COL18A1: variants seen among roughly 807,000 people sequenced by gnomAD.
COL18A1 encodes collagen alpha-1(XVIII) chain.
Under a neutral mutation model 168.0 loss-of-function variants are expected in COL18A1, and 133 were observed. The ratio of observed to expected loss-of-function variants is 0.79; its 90% CI spans 0.69 to 0.91. The LOEUF (loss-of-function observed/expected upper bound fraction) is 0.91. COL18A1 is among the 40% of genes least tolerant of loss of function. The probability of loss-of-function intolerance (pLI) is 0.00; values close to 1 mark genes in which losing one functional copy is unlikely to be tolerated. For synonymous variants in COL18A1, 949 were observed against 809.0 expected, an observed-to-expected ratio of 1.17 and a Z score of -2.94; for missense variants, 2,126 against 1,925.4, an observed-to-expected ratio of 1.10 and a Z score of -1.95.
rs1306317164 is a variant in COL18A1, at chr21:45,504,233, T to C, written c.2727+179T>C. 15 of 901,954 alleles carry C rather than the reference T, an allele frequency of 1.7e-5. No homozygotes were observed. The Admixed American group carries it at 3.2e-4, about 19-fold the overall frequency. The allele number at this position is 901,954 out of a possible 1,614,324, so 55.9% of individuals were successfully genotyped here. A position where few individuals can be genotyped will look rare whatever the true frequency, so the allele number is the denominator to read the frequency against. On this transcript the variant is annotated intron_variant, in intron 33 of 41. Coordinates refer to ENST00000651438, the MANE Select transcript of COL18A1 (RefSeq NM_001379500.1). ...AGGATGTTCCTGTCCCCGGCTCAGT[T>C]TTTGGGGGACTCGGCTGATGCAGTG...
At position 45,498,512 on chromosome 21, in the gene COL18A1, G is replaced by A. The variant is rs2036627210; in HGVS notation, c.2683+851G>A. The A allele has an allele frequency of 1.4e-6, 1 of 716,078 alleles. No homozygotes were observed. Among genetic ancestry groups the A allele is most frequent in the Non-Finnish European group, 2.6e-6 (1 of 385,000 alleles). The allele number at this position is 716,078 out of a possible 1,614,324, so 44.4% of individuals were successfully genotyped here. On this transcript the variant is annotated intron_variant, in intron 32 of 41. Transcript: ENST00000651438. The surrounding 1 kb of genome is among the most constrained non-coding windows in gnomAD (Gnocchi z 4.5). ...TCCCCTCTCGCTGCCAGGGTCCTCT[G>A]CAGAGGAGGCCGCCATACCTGCTCT...
At position 45,457,898 on chromosome 21, in the gene COL18A1, C is replaced by T. The variant is rs2034895649; in HGVS notation, c.107-10344C>T. Among the ~76,000 whole-genome samples, 2 of 152,116 alleles carry T rather than the reference C, an allele frequency of 1.3e-5. No individual in the cohort carries two copies. Among genetic ancestry groups the T allele is most frequent in the Admixed American group, 6.5e-5 (1 of 15,284 alleles). Reference sequence around the variant, plus strand: ...CAGTGGAAATTCTGGTGGACGCCCACCCACCAGGCTCCGTGAGGGATGACG... The same window carrying T: ...CAGTGGAAATTCTGGTGGACGCCCATCCACCAGGCTCCGTGAGGGATGACG... On this transcript the variant is annotated intron_variant, in intron 2 of 41. Transcript: ENST00000651438. This position sits in a 1 kb window ranked among gnomAD's most constrained non-coding sequence, Gnocchi z 4.6.
chr21:45,429,512 C>T lies in COL18A1; in HGVS notation c.106+24039C>T, dbSNP rs967750652. Among the ~76,000 whole-genome samples, 6 of 152,194 alleles carry T rather than the reference C, an allele frequency of 3.9e-5. No homozygotes were observed. In the East Asian group the frequency reaches 9.6e-4, roughly 24 times the overall value. ...CCACTGTGCACCCAGCACCCAGGCTCGGCTGCATAGAACATGGCCCAGGAA... is the reference window on the plus strand; with the variant it reads ...CCACTGTGCACCCAGCACCCAGGCTTGGCTGCATAGAACATGGCCCAGGAA... On this transcript the variant is annotated intron_variant, in intron 2 of 41. Transcript: ENST00000651438.
chr21:45,426,447 G>A (rs539536841), intron 2 of COL18A1, among the ~76,000 whole-genome samples: 37 of 152,278 alleles, frequency 2.4e-4, no homozygotes, highest in Admixed American at 7.2e-4. Context: ...TCAGCGTGGC[G>A]AGGCTGCGCT....
chr21:45,459,057 C>T (rs1385222253), intron 2 of COL18A1, among the ~76,000 whole-genome samples: 1 of 152,194 alleles, frequency 6.6e-6, no homozygotes, highest in Non-Finnish European at 1.5e-5. Context: ...GGCCGTGTCC[C>T]GTGCAGGGTC....
chr21:45,491,274 C>T lies in COL18A1; in HGVS notation c.2117C>T (p.Pro706Leu), dbSNP rs79980197. 2.5e-6 allele frequency: 4 copies of T among 1,612,084 alleles called. No individual in the cohort carries two copies. The highest frequency in any genetic ancestry group is 2.5e-6 in the Non-Finnish European group (3 of 1,179,648). The change falls in exon 22 of 42, where the codon CCC becomes CTC. Residue 706 changes from proline to leucine, a missense_variant. Pro to Leu is a moderately conservative substitution (Grantham distance 98). Coordinates refer to ENST00000651438, the MANE Select transcript of COL18A1 (RefSeq NM_001379500.1). Reference sequence around the variant, plus strand: ...GGGCAGCCGGGCCTCCCTGGCCCCCCCGGACCCCCGGGACCTGTGGTCTAC... The same window carrying T: ...GGGCAGCCGGGCCTCCCTGGCCCCCTCGGACCCCCGGGACCTGTGGTCTAC... ...GVGQPGLPGP[P>L]GPPGPVVYVS...
rs185089648 is a variant in COL18A1, at chr21:45,490,310, C to T, written c.1995C>T (p.Pro665=). 6.5e-5 allele frequency: 104 copies of T among 1,588,698 alleles called. No individual in the cohort carries two copies. Among genetic ancestry groups the T allele is most frequent in the African/African-American group, 1.7e-4 (13 of 74,464 alleles). Residue 665 remains proline (P), a synonymous_variant, in exon 20 of 42, where the codon CCC becomes CCT. Coordinates refer to ENST00000651438, the MANE Select transcript of COL18A1 (RefSeq NM_001379500.1). The part of the protein sequence containing the change: ...EVGADGVPGF[P]GLPGREGIAG... Reference sequence around the variant, plus strand: ...GAGCAGATGGAGTCCCCGGGTTCCCCGGCCTCCCTGGCAGAGAGGGCATTG... The same window carrying T: ...GAGCAGATGGAGTCCCCGGGTTCCCTGGCCTCCCTGGCAGAGAGGGCATTG...
At chr21:45,496,317 C>T (rs570353805) in intron 29 of COL18A1, 183 bp from the exon 30 acceptor site, 29 of 715,590 alleles carry the variant, frequency 4.1e-5, no homozygotes, top group Admixed American at 1.2e-4. Flanking sequence ...GAGGTGGGGC[C>T]GGGGCCAGTT....
At chr21:45,476,707 T>G (rs963252014) in intron 6 of COL18A1, among the ~76,000 whole-genome samples, 2 of 151,470 alleles carry the variant, frequency 1.3e-5, no homozygotes, top group Admixed American at 6.6e-5. Flanking sequence ...GTTTATGTGA[T>G]GTGTATGTAG....
chr21:45,460,051 G>A (rs545325413), intron 2 of COL18A1, among the ~76,000 whole-genome samples: 10 of 152,170 alleles, frequency 6.6e-5, no homozygotes, highest in Admixed American at 6.5e-5. Context: ...TATTGTTCCC[G>A]TTTACAGGTG....
rs1188297731 is a variant in COL18A1, at chr21:45,510,124, G to A, written c.3556G>A (p.Asp1186Asn). Residue 1186 changes from aspartate to asparagine, a missense_variant, in exon 40 of 42, where the codon GAC becomes AAC. Coordinates refer to ENST00000651438, the MANE Select transcript of COL18A1 (RefSeq NM_001379500.1). ...CGGCATGCGGGGCATCCGCGGGGCCGACTTCCAGTGCTTCCAGCAGGCGCG... is the reference window on the plus strand; with the variant it reads ...CGGCATGCGGGGCATCCGCGGGGCCAACTTCCAGTGCTTCCAGCAGGCGCG... The part of the protein sequence containing the change: ...SGGMRGIRGA[D>N]FQCFQQARAV... 3.1e-6 allele frequency: 5 copies of A among 1,599,520 alleles called. No individual in the cohort carries two copies. Among genetic ancestry groups the A allele is most frequent in the Admixed American group, 1.7e-5 (1 of 58,732 alleles).
In COL18A1 at chr21:45,493,224, A is replaced by T; in HGVS notation, c.2276A>T (p.Lys759Met). Reference sequence around the variant, plus strand: ...GGCGAACGAGGCTCCCCGGGACCCAAGGTAAGGGGCTCAGGTGCTGTCCCT... The same window carrying T: ...GGCGAACGAGGCTCCCCGGGACCCATGGTAAGGGGCTCAGGTGCTGTCCCT... ...SKGERGSPGP[K>M]GEKGEPGSIF... The change falls in exon 25 of 42, where the codon AAG becomes ATG. Residue 759 changes from lysine (K) to methionine (M), a missense_variant and splice_region_variant. By Grantham distance (95) the Lys-to-Met change is moderately conservative. Coordinates refer to ENST00000651438, the MANE Select transcript of COL18A1 (RefSeq NM_001379500.1). 6.4e-7 allele frequency: 1 copy of T among 1,557,290 alleles called. No individual in the cohort carries two copies. Among genetic ancestry groups the T allele is most frequent in the East Asian group, 2.4e-5 (1 of 41,524 alleles).
intron 3 of COL18A1, among the ~76,000 whole-genome samples, chr21:45,472,310 G>A (rs1355353896): frequency 6.6e-6 from 1 of 151,138 alleles, no homozygotes. Context: ...TGCAAGCTCT[G>A]CCTCCCGGGT....
chr21:45,504,149 C>T (rs1264979917), intron 33 of COL18A1, 95 bp downstream of exon 33: 9 of 1,427,596 alleles, frequency 6.3e-6, no homozygotes, highest in African/African-American at 2.8e-5. Context: ...GGCCCAAGCC[C>T]CCTTCCTGTT....
At chr21:45,444,195 C>T (rs139560426) in intron 2 of COL18A1, among the ~76,000 whole-genome samples, 2 of 152,340 alleles carry the variant, frequency 1.3e-5, no homozygotes, top group African/African-American at 4.8e-5. Context: ...CCCGAAATCA[C>T]CTCTAAGTTC....
intron 2 of COL18A1, among the ~76,000 whole-genome samples, chr21:45,412,603 T>C (rs534505221): frequency 6.6e-6 from 1 of 152,288 alleles, no homozygotes; most frequent in African/African-American, 2.4e-5. Context: ...CCTTTAGAGA[T>C]GGCACCCTGG....
intron 28 of COL18A1, 95 bp from the exon 29 acceptor site, chr21:45,495,263 C>T (rs557521814): frequency 3.1e-5 from 33 of 1,054,098 alleles, no homozygotes; most frequent in African/African-American, 2.0e-4. Flanking sequence ...GTGGGCCGGC[C>T]GGGCCTGGCG....
chr21:45,444,403 G>A (rs958022526), intron 2 of COL18A1, among the ~76,000 whole-genome samples: 3 of 152,192 alleles, frequency 2.0e-5, no homozygotes, highest in Admixed American at 6.5e-5. Context: ...CGTTGTGCTC[G>A]TGTGGGTGAT....
At position 45,426,538 on chromosome 21, in the gene COL18A1, G is replaced by A. The variant is rs184590171; in HGVS notation, c.106+21065G>A. ...CCTGCAGCGCTCCCCCATCACGTCC[G>A]GCCCTGGAAGCCCCCGGAAACCCTG... On this transcript the variant is annotated intron_variant, in intron 2 of 41. Coordinates refer to ENST00000651438, the MANE Select transcript of COL18A1 (RefSeq NM_001379500.1). Among the ~76,000 whole-genome samples, 564 of 152,286 alleles carry A rather than the reference G, an allele frequency of 3.7e-3. 4 individuals are homozygous for A. The highest frequency in any genetic ancestry group is 0.012 in the African/African-American group (497 of 41,554).
Sources: allele counts gnomAD v4.1 joint callset (sites outside exome capture counted in the v4.1 genomes callset), GRCh38; gene constraint gnomAD v4.1.1; non-coding constraint Gnocchi (gnomAD v3.1); transcripts MANE v1.5; gene names NCBI Gene and HGNC (gene_info 2026-07-23, HGNC 2026-07-21).